GSTCD: variants seen among roughly 807,000 people sequenced by gnomAD.
GSTCD encodes the protein glutathione S-transferase C-terminal domain-containing protein.
In GSTCD, 44 loss-of-function variants were observed where a neutral mutation model predicts 68.3. The ratio of observed to expected loss-of-function variants is 0.64; its 90% CI spans 0.51 to 0.83. The LOEUF is 0.83. Ranked by LOEUF, GSTCD falls within the 40% of genes least tolerant of loss-of-function variation. The probability of loss-of-function intolerance (pLI) is 0.00; values close to 1 mark genes in which losing one functional copy is unlikely to be tolerated. For synonymous variants in GSTCD, 273 were observed against 255.2 expected (o/e 1.07, Z -0.67); for missense variants, 739 against 735.9 (o/e 1.00, Z -0.05).
At position 105,766,562 on chromosome 4, in the gene GSTCD, A is replaced by G. The variant is rs534762438; in HGVS notation, c.1240+37063A>G. Reference sequence around the variant, plus strand: ...TTAGAGTCATCTGGTTTTTTTTCTTATTTAATTAATTCTATTTTTGTCATA... The same window carrying G: ...TTAGAGTCATCTGGTTTTTTTTCTTGTTTAATTAATTCTATTTTTGTCATA... On this transcript the variant is annotated intron_variant, in intron 5 of 11. Coordinates refer to ENST00000515279, the MANE Select transcript of GSTCD (RefSeq NM_001370181.1). Among the ~76,000 whole-genome samples, 18 of 152,216 alleles carry G rather than the reference A, an allele frequency of 1.2e-4. 1 individual carries two copies. The South Asian group carries it at 1.5e-3, about 12-fold the overall frequency.
At chr4:105,715,723 G>A (rs2149203278) in intron 1 of GSTCD, among the ~76,000 whole-genome samples, 1 of 130,028 alleles carries the variant, frequency 7.7e-6, no homozygotes, top group East Asian at 2.1e-4. Flanking sequence ...GTATGATGAA[G>A]GTTTTCTAAA....
At chr4:105,767,204 A>C (rs1205169280) in intron 5 of GSTCD, among the ~76,000 whole-genome samples, 1 of 152,106 alleles carries the variant, frequency 6.6e-6, no homozygotes, top group African/African-American at 2.4e-5. Context: ...ATAGGGTTTG[A>C]ACAGTTGACC....
chr4:105,821,213 A>G (rs1723275511), intron 5 of GSTCD: 1 of 151,932 alleles, frequency 6.6e-6, no homozygotes, highest in Non-Finnish European at 1.5e-5. Context: ...CCATAAAAAT[A>G]TAAGGCATAT....
At chr4:105,774,447 G>C (rs755539269) in intron 5 of GSTCD, among the ~76,000 whole-genome samples, 1 of 152,110 alleles carries the variant, frequency 6.6e-6, no homozygotes, top group African/African-American at 2.4e-5. Flanking sequence ...TCATAGTGTC[G>C]ATAATCTTCA....
intron 5 of GSTCD, among the ~76,000 whole-genome samples, chr4:105,791,234 A>T (rs974914811): frequency 6.6e-6 from 1 of 151,890 alleles, no homozygotes; most frequent in African/African-American, 2.4e-5. Flanking sequence ...TCTACTAAAA[A>T]TACAAAAAAT....
At chr4:105,780,653 A>G (rs914196957) in intron 5 of GSTCD, among the ~76,000 whole-genome samples, 8 of 152,208 alleles carry the variant, frequency 5.3e-5, no homozygotes, top group African/African-American at 1.9e-4. Flanking sequence ...TTTAGAGATT[A>G]GTTTGTTAGT....
At chr4:105,719,627 T>C (rs572345474) in intron 3 of GSTCD, 100 bp downstream of exon 3, 25 of 808,974 alleles carry the variant, frequency 3.1e-5, no homozygotes, top group Non-Finnish European at 5.0e-5. Context: ...AATATGCTGC[T>C]AGGAAAGTTA....
At chr4:105,814,801 T>G (rs995561817) in intron 5 of GSTCD, among the ~76,000 whole-genome samples, 4 of 152,094 alleles carry the variant, frequency 2.6e-5, no homozygotes, top group African/African-American at 9.7e-5. Flanking sequence ...GTCTTTTTCT[T>G]TCCACCATCC....
At chr4:105,750,843 G>T (rs1394949307) in intron 5 of GSTCD, among the ~76,000 whole-genome samples, 3 of 152,140 alleles carry the variant, frequency 2.0e-5, no homozygotes, top group Non-Finnish European at 4.4e-5. Flanking sequence ...GCAACAAGTT[G>T]AATAGATCTC....
chr4:105,811,045 C>T (rs1335294488), intron 5 of GSTCD, among the ~76,000 whole-genome samples: 1 of 152,070 alleles, frequency 6.6e-6, no homozygotes, highest in Non-Finnish European at 1.5e-5. Flanking sequence ...AAAATAGTCC[C>T]TAAAGATAAT....
chr4:105,712,294 G>T (rs1259099540), intron 1 of GSTCD, among the ~76,000 whole-genome samples: 7 of 152,298 alleles, frequency 4.6e-5, no homozygotes, highest in Admixed American at 1.3e-4. Context: ...AAAAATCAAT[G>T]AAATGAGGGA....
intron 5 of GSTCD, among the ~76,000 whole-genome samples, chr4:105,819,130 C>T (rs1282745677): frequency 6.6e-6 from 1 of 151,746 alleles, no homozygotes; most frequent in Non-Finnish European, 1.5e-5. Flanking sequence ...AAACAACAAG[C>T]AATGTCATTT....
chr4:105,724,202 C>T (rs987714632), intron 3 of GSTCD, among the ~76,000 whole-genome samples: 1 of 151,710 alleles, frequency 6.6e-6, no homozygotes, highest in African/African-American at 2.4e-5. Flanking sequence ...TTTGAGACAT[C>T]ATAATGGTTT....
chr4:105,769,926 A>T lies in GSTCD; in HGVS notation c.1240+40427A>T, dbSNP rs78393345. On this transcript the variant is annotated intron_variant, in intron 5 of 11. Transcript: ENST00000515279. ...CCACCACCATGCCTGCCTAATTTTT[A>T]AAAAAATTTTGAATAGAGATACAAT... 3.7e-3 allele frequency among the ~76,000 whole-genome samples: 558 copies of T among 152,034 alleles called. 10 individuals carry two copies. Among genetic ancestry groups the T allele is most frequent in the East Asian group, 0.012 (64 of 5,172 alleles).
intron 5 of GSTCD, 93 bp downstream of exon 5, chr4:105,729,592 C>A: frequency 1.4e-6 from 1 of 733,712 alleles, no homozygotes; most frequent in South Asian, 2.5e-5. Flanking sequence ...TTGGCTTTAT[C>A]TAATATTCTG....
At chr4:105,722,797 A>ACT (rs1388410748) in intron 3 of GSTCD, among the ~76,000 whole-genome samples, 2 of 150,998 alleles carry the variant, frequency 1.3e-5, no homozygotes, top group Non-Finnish European at 3.0e-5. Context: ...TCCTTAAAGA[A>ACT]CTCTGTGATA....
intron 5 of GSTCD, among the ~76,000 whole-genome samples, chr4:105,777,009 C>G (rs1047103996): frequency 2.0e-5 from 3 of 152,114 alleles, no homozygotes; most frequent in Admixed American, 6.5e-5. Context: ...TTGGATTAAT[C>G]TTCATAATAT....
intron 5 of GSTCD, among the ~76,000 whole-genome samples, chr4:105,757,583 G>T (rs182930610): frequency 4.6e-5 from 7 of 151,942 alleles, no homozygotes; most frequent in Non-Finnish European, 7.4e-5. Flanking sequence ...TGTTATTTTT[G>T]CATTCTGGGG....
intron 1 of GSTCD, among the ~76,000 whole-genome samples, chr4:105,714,722 A>G (rs553970822): frequency 1.3e-5 from 2 of 152,074 alleles, no homozygotes; most frequent in Non-Finnish European, 2.9e-5. Flanking sequence ...AAAATACGTT[A>G]AGAATCAACA....
Sources: gnomAD v4.1 joint callset for allele counts (sites outside exome capture counted in the v4.1 genomes callset) on GRCh38, gnomAD v4.1.1 for gene constraint, MANE v1.5 for transcripts, NCBI Gene and HGNC (gene_info 2026-07-23, HGNC 2026-07-21) for gene names.